Variants in LY6S observed in about 807,000 individuals in gnomAD.
LY6S encodes the protein lymphocyte antigen 6 family member S, also known as lymphocyte antigen 6S.
At chr8:143,072,758 T>C in the LY6S span, among the ~76,000 whole-genome samples, 3 of 119,072 alleles carry the variant, frequency 2.5e-5, no homozygotes, top group East Asian at 2.8e-4. Context: ...GTCCTCGGGG[T>C]TCCTGTTTGA....
At chr8:143,052,601 C>G in the LY6S span, among the ~76,000 whole-genome samples, 1 of 152,188 alleles carries the variant, frequency 6.6e-6, no homozygotes, top group Non-Finnish European at 1.5e-5. Context: ...CCCCCAAGAA[C>G]AGAGAAAGCT....
At chr8:143,057,603 G>A in the LY6S span, 15 of 1,294,194 alleles carry the variant, frequency 1.2e-5, no homozygotes, top group South Asian at 1.2e-5. Flanking sequence ...TGAATGAGAG[G>A]GTCCCCAGTC....
the LY6S span, among the ~76,000 whole-genome samples, chr8:143,052,888 A>G: frequency 1.3e-5 from 2 of 152,228 alleles, no homozygotes; most frequent in Admixed American, 1.3e-4. Context: ...GAAATGACTT[A>G]TGGGAGACCC....
the LY6S span, chr8:143,057,750 T>A: frequency 2.4e-5 from 19 of 787,134 alleles, no homozygotes; most frequent in South Asian, 2.5e-4. Flanking sequence ...ACTGTGTCGA[T>A]CTGATCAGCT....
the LY6S span, among the ~76,000 whole-genome samples, chr8:143,068,199 A>C: frequency 6.6e-6 from 1 of 152,194 alleles, no homozygotes; most frequent in African/African-American, 2.4e-5. Context: ...GAGAATGGAG[A>C]ATGGCGATGA....
the LY6S span, chr8:143,049,417 G>A: frequency 1.3e-4 from 50 of 398,578 alleles, no homozygotes; most frequent in South Asian, 7.1e-4. Context: ...CCGCAGCTCC[G>A]TCTTTCCAGA....
the LY6S span, among the ~76,000 whole-genome samples, chr8:143,052,122 A>T: frequency 6.6e-6 from 1 of 151,930 alleles, no homozygotes; most frequent in South Asian, 2.1e-4. Context: ...TCTACTAAAA[A>T]TACAAAAAAT....
chr8:143,061,969 T>C, the LY6S span, among the ~76,000 whole-genome samples: 2 of 152,334 alleles, frequency 1.3e-5, no homozygotes, highest in Admixed American at 1.3e-4. Context: ...ACCAAACACC[T>C]GGAGAATCCA....
chr8:143,069,915 C>T, the LY6S span, among the ~76,000 whole-genome samples: 1 of 152,134 alleles, frequency 6.6e-6, no homozygotes, highest in African/African-American at 2.4e-5. Context: ...TTACAGCGGC[C>T]GCACCCAGCG....
chr8:143,065,725 CCTTTCTTTCT>C, the LY6S span, among the ~76,000 whole-genome samples: 13 of 145,924 alleles, frequency 8.9e-5, 1 homozygote, highest in South Asian at 4.3e-4. Flanking sequence ...GCCGGTTGTC[CCTTTCTTTCT>C]CTTTCTTTCT....
At chr8:143,052,252 G>A in the LY6S span, among the ~76,000 whole-genome samples, 1 of 152,170 alleles carries the variant, frequency 6.6e-6, no homozygotes, top group East Asian at 1.9e-4. Context: ...CTGCACTCCA[G>A]CCTGGGGGAC....
At chr8:143,073,140 T>C in the LY6S span, among the ~76,000 whole-genome samples, 4 of 146,468 alleles carry the variant, frequency 2.7e-5, no homozygotes, top group East Asian at 2.0e-4. Flanking sequence ...GGTTCCTGTT[T>C]GAGGAGACAG....
chr8:143,041,805 C>T, the LY6S span, among the ~76,000 whole-genome samples: 4 of 151,674 alleles, frequency 2.6e-5, no homozygotes, highest in Admixed American at 2.0e-4. Context: ...TGTTTGGGGT[C>T]CCTGACAATA....
the LY6S span, among the ~76,000 whole-genome samples, chr8:143,048,445 C>G: frequency 1.3e-5 from 2 of 150,008 alleles, no homozygotes; most frequent in Admixed American, 6.7e-5. Flanking sequence ...ATTGTCTGAT[C>G]GGGTTTTCTG....
the LY6S span, among the ~76,000 whole-genome samples, chr8:143,057,390 C>T: frequency 3.9e-5 from 6 of 152,078 alleles, no homozygotes; most frequent in Admixed American, 3.9e-4. Context: ...GCTGAGACTA[C>T]AGGCGCCTGC....
chr8:143,051,041 T>C, the LY6S span, among the ~76,000 whole-genome samples: 2 of 152,160 alleles, frequency 1.3e-5, no homozygotes, highest in Non-Finnish European at 2.9e-5. Context: ...CCCCATTACA[T>C]ATGCAAAAGA....
At chr8:143,071,514 A>G in the LY6S span, among the ~76,000 whole-genome samples, 6 of 152,226 alleles carry the variant, frequency 3.9e-5, no homozygotes, top group African/African-American at 9.6e-5. Context: ...CCATTGTACC[A>G]CATGAATGCA....
chr8:143,068,068 T>C, the LY6S span, among the ~76,000 whole-genome samples: 1 of 152,106 alleles, frequency 6.6e-6, no homozygotes, highest in African/African-American at 2.4e-5. Context: ...GTAAGGTCTT[T>C]CCTTTCCCAC....
the LY6S span, among the ~76,000 whole-genome samples, chr8:143,071,716 G>C: frequency 1.3e-5 from 2 of 152,158 alleles, no homozygotes; most frequent in African/African-American, 4.8e-5. Context: ...ACTCTCTACA[G>C]CAAACAGCAT....
Sources: gnomAD v4.1 joint callset for allele counts (sites outside exome capture counted in the v4.1 genomes callset) on GRCh38, gnomAD v4.1.1 for gene constraint, MANE v1.5 for transcripts, NCBI Gene and HGNC (gene_info 2026-07-23, HGNC 2026-07-21) for gene names.